Variants in MYSM1 observed in about 807,000 individuals in gnomAD.
MYSM1 encodes the protein Myb like, SWIRM and MPN domains 1, also known as deubiquitinase MYSM1.
Under a neutral mutation model 116.0 loss-of-function variants are expected in MYSM1, and 51 were observed. The ratio of observed to expected loss-of-function variants is 0.44; its 90% confidence interval spans 0.35 to 0.56. The LOEUF (loss-of-function observed/expected upper bound fraction) is 0.56, where lower values mean the gene tolerates loss of function less well. MYSM1 is among the 20% of genes least tolerant of loss of function. The pLI is 0.00. For synonymous variants in MYSM1, 313 were observed against 315.2 expected (o/e 0.99, Z 0.07); for missense variants, 900 against 974.9 (o/e 0.92, Z 1.02).
Position 58,658,667 on chromosome 1 carries a change from G to A in MYSM1, c.*1330C>T, listed in dbSNP as rs1644349237. On this transcript the variant is annotated 3_prime_UTR_variant, in exon 20 of 20. Coordinates refer to ENST00000472487, the MANE Select transcript of MYSM1 (RefSeq NM_001085487.3). ...AAGGAAACGTTAGTAAGAATGTTTG[G>A]TGAATAGCTATAAATCAATTCTCTG... 6.6e-6 allele frequency: 1 copy of A among 151,520 alleles called. No homozygotes were observed. The highest frequency in any genetic ancestry group is 1.5e-5 in the Non-Finnish European group (1 of 67,870). 9.4% of individuals were successfully genotyped at this position (151,520 alleles called of 1,614,324 possible). A position where few individuals can be genotyped will look rare whatever the true frequency, so the allele number is the denominator to read the frequency against.
At chr1:58,693,760 C>T (rs1644934406) in intron 2 of MYSM1, among the ~76,000 whole-genome samples, 1 of 152,208 alleles carries the variant, frequency 6.6e-6, no homozygotes. Flanking sequence ...ACTCTTACTT[C>T]CCTCCAATCT....
chr1:58,667,319 C>T, intron 15 of MYSM1, 93 bp from the exon 16 acceptor site: 1 of 964,360 alleles, frequency 1.0e-6, no homozygotes, highest in Non-Finnish European at 1.4e-6. Context: ...GGAAACTTTT[C>T]AAGGCCAAGA....
Position 58,659,939 on chromosome 1 carries a change from A to C in MYSM1, c.*58T>G. ...TGTTAACTACAATCACTTCAAGTTTATAACTTTGAAAGTAAGATCTACTGT... is the reference window on the plus strand; with the variant it reads ...TGTTAACTACAATCACTTCAAGTTTCTAACTTTGAAAGTAAGATCTACTGT... On this transcript the variant is annotated 3_prime_UTR_variant, in exon 20 of 20. Transcript: ENST00000472487. 3.4e-6 allele frequency: 4 copies of C among 1,171,674 alleles called. No homozygotes were observed. The highest frequency in any genetic ancestry group is 1.1e-6 in the Non-Finnish European group (1 of 872,358). 72.6% of individuals were successfully genotyped at this position (1,171,674 alleles called of 1,614,324 possible). A position where few individuals can be genotyped will look rare whatever the true frequency, so the allele number is the denominator to read the frequency against.
chr1:58,698,216 TC>T (rs1424906232), intron 1 of MYSM1, among the ~76,000 whole-genome samples: 1 of 148,468 alleles, frequency 6.7e-6, no homozygotes, highest in African/African-American at 2.5e-5. Flanking sequence ...TTCTCCTGCC[TC>T]AGCCTCCCAA....
At chr1:58,681,019 A>C (rs111932724) in intron 8 of MYSM1, among the ~76,000 whole-genome samples, 1 of 152,054 alleles carries the variant, frequency 6.6e-6, no homozygotes, top group Non-Finnish European at 1.5e-5. Context: ...TAGAAGGGAC[A>C]GGGTTTCACC....
At position 58,689,262 on chromosome 1, in the gene MYSM1, G is replaced by A. The variant is rs1307760349; in HGVS notation, c.321-146C>T. The A allele has an allele frequency of 9.9e-6, 6 of 608,604 alleles. No homozygotes were observed. In the East Asian group the frequency reaches 1.8e-4, roughly 19 times the overall value. The allele number at this position is 608,604 out of a possible 1,614,324, so 37.7% of individuals were successfully genotyped here. A position where few individuals can be genotyped will look rare whatever the true frequency, so the allele number is the denominator to read the frequency against. On this transcript the variant is annotated intron_variant, in intron 5 of 19. Coordinates refer to ENST00000472487, the MANE Select transcript of MYSM1 (RefSeq NM_001085487.3). ...ATAAACAAACAAACAAAACAAGAAG[G>A]CTACAGCCTCTACCTGGGGGCAGAG... is the stretch of plus-strand genomic sequence containing the variant.
At chr1:58,674,792 T>C (rs1004640881) in intron 10 of MYSM1, among the ~76,000 whole-genome samples, 4 of 151,922 alleles carry the variant, frequency 2.6e-5, no homozygotes, top group African/African-American at 7.3e-5. Context: ...CTTGGTGTGA[T>C]GGCGGGCACC....
chr1:58,678,346 A>G (rs1030912000), intron 8 of MYSM1, among the ~76,000 whole-genome samples: 2 of 152,216 alleles, frequency 1.3e-5, no homozygotes, highest in African/African-American at 4.8e-5. Context: ...GAGTATGGCT[A>G]CCAAGAAACC....
At chr1:58,687,408 A>G (rs1409138513) in intron 6 of MYSM1, among the ~76,000 whole-genome samples, 1 of 152,204 alleles carries the variant, frequency 6.6e-6, no homozygotes, top group East Asian at 1.9e-4. Flanking sequence ...GAACCTTTTG[A>G]ATTTTAAACC....
chr1:58,673,288 G>A (rs943622813), intron 11 of MYSM1, among the ~76,000 whole-genome samples: 1 of 152,142 alleles, frequency 6.6e-6, no homozygotes, highest in African/African-American at 2.4e-5. Flanking sequence ...AATGTTTAAT[G>A]AAACGAATTG....
chr1:58,657,369 G>C lies in MYSM1; in HGVS notation c.*2628C>G, dbSNP rs1569677918. On this transcript the variant is annotated 3_prime_UTR_variant, in exon 20 of 20. Transcript: ENST00000472487. The stretch of plus-strand genomic sequence containing the variant: ...ACTTCTGTAAACATTATTAAAGGCA[G>C]GTGTTCCTTTGAGACTCTGCCTCCT... 1 of 152,108 alleles carries C rather than the reference G, an allele frequency of 6.6e-6. No individual in the cohort carries two copies. Among genetic ancestry groups the C allele is most frequent in the South Asian group, 2.1e-4 (1 of 4,826 alleles). 9.4% of individuals were successfully genotyped at this position (152,108 alleles called of 1,614,324 possible).
intron 6 of MYSM1, 144 bp downstream of exon 6, chr1:58,688,894 T>C: frequency 1.5e-6 from 1 of 659,628 alleles, no homozygotes; most frequent in Non-Finnish European, 2.5e-6. Flanking sequence ...TAAACATCAT[T>C]ACTCTAACTA....
intron 15 of MYSM1, 27 bp downstream of exon 15, chr1:58,667,820 A>C (rs1159512209): frequency 2.8e-6 from 4 of 1,432,332 alleles, no homozygotes; most frequent in Admixed American, 3.4e-5. Context: ...AAATAACTAA[A>C]ACATTTTTTT....
chr1:58,676,749 T>C, intron 9 of MYSM1, 177 bp downstream of exon 9: 1 of 495,484 alleles, frequency 2.0e-6, no homozygotes, highest in Non-Finnish European at 3.2e-6. Flanking sequence ...GTAGGTCAAA[T>C]GAAAACACAG....
chr1:58,681,273 G>A (rs1644738236), intron 8 of MYSM1, among the ~76,000 whole-genome samples: 1 of 152,196 alleles, frequency 6.6e-6, no homozygotes, highest in Non-Finnish European at 1.5e-5. Context: ...TAGAGAATAA[G>A]CTTCATCTAT....
chr1:58,656,122 AGAG>A lies in MYSM1; in HGVS notation c.*3872_*3874del, dbSNP rs1313418067. The A allele has an allele frequency of 2.0e-5, 3 of 152,280 alleles. No homozygotes were observed. The highest frequency in any genetic ancestry group is 4.4e-5 in the Non-Finnish European group (3 of 68,098). The allele number at this position is 152,280 out of a possible 1,614,324, so 9.4% of individuals were successfully genotyped here. A position where few individuals can be genotyped will look rare whatever the true frequency, so the allele number is the denominator to read the frequency against. ...AAGAGAAATGGGAGGAAGGTAATGC[AGAG>A]GAGACCTGCTCAGGTTGGCATGTTG... On this transcript the variant is annotated 3_prime_UTR_variant, in exon 20 of 20. Coordinates refer to ENST00000472487, the MANE Select transcript of MYSM1 (RefSeq NM_001085487.3).
At chr1:58,698,656 T>C (rs1400051038) in intron 1 of MYSM1, among the ~76,000 whole-genome samples, 1 of 152,244 alleles carries the variant, frequency 6.6e-6, no homozygotes, top group East Asian at 1.9e-4. Context: ...CATTTCTTTC[T>C]AGACTGCAGA....
Position 58,690,347 on chromosome 1 carries a change from T to C in MYSM1, c.289A>G (p.Met97Val), listed in dbSNP as rs371957963. 146 of 1,603,016 alleles carry C rather than the reference T, an allele frequency of 9.1e-5. No individual in the cohort carries two copies. Among genetic ancestry groups the C allele is most frequent in the Non-Finnish European group, 1.2e-4 (136 of 1,175,196 alleles). ...ATTATAAATTGATTTTACCTCTTCA[T>C]GTATTTTTTATCATCTTCCTTTTGA... Reference protein sequence around the residue: ...LDQKEDDKKYMKSLQKTAKIM... With the variant: ...LDQKEDDKKYVKSLQKTAKIM... Residue 97 changes from methionine to valine, a missense_variant, in exon 4 of 20, where the codon ATG becomes GTG. Coordinates refer to ENST00000472487, the MANE Select transcript of MYSM1 (RefSeq NM_001085487.3).
Position 58,659,988 on chromosome 1 carries a change from TTAAAA to T in MYSM1, c.*4_*8del. On this transcript the variant is annotated 3_prime_UTR_variant, in exon 20 of 20. Transcript: ENST00000472487. ...GTGTCAAGATTAAAATGTCTTAACT[TTAAAA>T]TAATCACATTAACAATTCCTTTGTA... 6.7e-7 allele frequency: 1 copy of T among 1,488,972 alleles called. No individual in the cohort carries two copies. Among genetic ancestry groups the T allele is most frequent in the Non-Finnish European group, 9.0e-7 (1 of 1,109,242 alleles). 92.2% of individuals were successfully genotyped at this position (1,488,972 alleles called of 1,614,324 possible). A position where few individuals can be genotyped will look rare whatever the true frequency, so the allele number is the denominator to read the frequency against.
Sources: gnomAD v4.1 joint callset for allele counts (sites outside exome capture counted in the v4.1 genomes callset) on GRCh38, gnomAD v4.1.1 for gene constraint, MANE v1.5 for transcripts, NCBI Gene and HGNC (gene_info 2026-07-23, HGNC 2026-07-21) for gene names.